The following FBXL17 variants were observed in gnomAD, a reference collection of about 807,000 sequenced individuals.
FBXL17 encodes the protein F-box and leucine rich repeat protein 17, also known as F-box/LRR-repeat protein 17.
FBXL17 carries 22 observed loss-of-function variants against 66.2 expected under a neutral mutation model. That is an observed-to-expected ratio of 0.33 (90% CI 0.24 to 0.47). The LOEUF is 0.47. Among genes scored for constraint, FBXL17 ranks in the 20% least tolerant of loss-of-function variants. FBXL17 has a pLI of 1.00. For missense variants in FBXL17, 878 were observed against 948.2 expected (o/e 0.93, Z 0.97); for synonymous variants, 474 against 400.5 (o/e 1.18, Z -2.19).
chr5:108,298,521 C>T (rs1758442581), intron 4 of FBXL17: 1 of 975,852 alleles, frequency 1.0e-6, no homozygotes, highest in South Asian at 4.7e-5. Flanking sequence ...ATTCCACTAA[C>T]TTGCCTAATG....
chr5:108,005,247 CTA>C (rs1275359951), intron 7 of FBXL17, among the ~76,000 whole-genome samples: 2 of 152,044 alleles, frequency 1.3e-5, no homozygotes, highest in South Asian at 4.2e-4. Flanking sequence ...ATTCCTGTGG[CTA>C]TGTCTGGACG....
chr5:108,099,819 T>C (rs574031220), intron 6 of FBXL17, among the ~76,000 whole-genome samples: 39 of 152,366 alleles, frequency 2.6e-4, no homozygotes, highest in African/African-American at 5.5e-4. Flanking sequence ...GGCATATTCT[T>C]AACTCCTGCT....
chr5:107,974,025 T>C (rs1752488862), intron 7 of FBXL17, among the ~76,000 whole-genome samples: 1 of 152,298 alleles, frequency 6.6e-6, no homozygotes, highest in South Asian at 2.1e-4. Flanking sequence ...AAAAAAATTA[T>C]ACCATTTTGG....
At chr5:108,229,246 C>A (rs1007387316) in intron 4 of FBXL17, among the ~76,000 whole-genome samples, 1 of 151,992 alleles carries the variant, frequency 6.6e-6, no homozygotes, top group Admixed American at 6.6e-5. Context: ...GCACGCATAG[C>A]CAAAGCAAGA....
At chr5:108,284,517 A>C (rs894547359) in intron 4 of FBXL17, among the ~76,000 whole-genome samples, 5 of 151,866 alleles carry the variant, frequency 3.3e-5, no homozygotes, top group African/African-American at 1.2e-4. Flanking sequence ...ATGGATGTAG[A>C]GTGTGGAACA....
chr5:107,962,111 T>C (rs1362034350), intron 7 of FBXL17, among the ~76,000 whole-genome samples: 1 of 152,140 alleles, frequency 6.6e-6, no homozygotes, highest in Non-Finnish European at 1.5e-5. Flanking sequence ...AAAATATCTA[T>C]ACAATTTCTC....
chr5:108,030,934 G>A (rs777220488), intron 6 of FBXL17, among the ~76,000 whole-genome samples: 1 of 152,024 alleles, frequency 6.6e-6, no homozygotes, highest in Non-Finnish European at 1.5e-5. Context: ...TAAAGTTAGA[G>A]CATAAATTCA....
intron 1 of FBXL17, among the ~76,000 whole-genome samples, chr5:108,379,937 A>C (rs184434793): frequency 1.4e-4 from 21 of 152,346 alleles, no homozygotes; most frequent in African/African-American, 4.6e-4. Flanking sequence ...AAAATGTAGA[A>C]GGGCATTACA....
intron 3 of FBXL17, among the ~76,000 whole-genome samples, chr5:108,360,337 T>C (rs557031282): frequency 2.0e-5 from 3 of 152,264 alleles, no homozygotes; most frequent in Admixed American, 6.5e-5. Flanking sequence ...TGAGTGCCCC[T>C]ATTCTTTAAC....
At chr5:108,252,803 C>T (rs979906574) in intron 4 of FBXL17, among the ~76,000 whole-genome samples, 2 of 152,162 alleles carry the variant, frequency 1.3e-5, no homozygotes, top group African/African-American at 4.8e-5. Context: ...CATTATTTCA[C>T]CCCAAAGCTG....
chr5:108,055,081 T>A (rs1747634147), intron 6 of FBXL17, among the ~76,000 whole-genome samples: 1 of 152,206 alleles, frequency 6.6e-6, no homozygotes, highest in Non-Finnish European at 1.5e-5. Context: ...CAAGGGTTTT[T>A]AAAAATTTTT....
chr5:108,222,062 T>C (rs1178276525), intron 5 of FBXL17, among the ~76,000 whole-genome samples: 1 of 152,170 alleles, frequency 6.6e-6, no homozygotes, highest in Non-Finnish European at 1.5e-5. Context: ...AAACCAGCAA[T>C]CCTTGCCTAA....
intron 7 of FBXL17, among the ~76,000 whole-genome samples, chr5:107,923,633 T>C (rs996091090): frequency 6.6e-6 from 1 of 152,170 alleles, no homozygotes; most frequent in Non-Finnish European, 1.5e-5. Flanking sequence ...AAAGCTTATA[T>C]TATTGCTGTA....
chr5:108,075,354 C>T (rs920956466), intron 6 of FBXL17, among the ~76,000 whole-genome samples: 1 of 152,220 alleles, frequency 6.6e-6, no homozygotes, highest in Admixed American at 6.5e-5. Flanking sequence ...CTTTCCATCA[C>T]TCTCTGTGCT....
intron 7 of FBXL17, among the ~76,000 whole-genome samples, chr5:107,946,357 T>C (rs1751295690): frequency 7.5e-6 from 1 of 133,256 alleles, no homozygotes; most frequent in African/African-American, 2.8e-5. Flanking sequence ...TGCAGTGACA[T>C]GATCATGGCT....
Position 108,296,127 on chromosome 5 carries a change from G to T in FBXL17, c.1506+52272C>A, listed in dbSNP as rs1286505270. 4.6e-5 allele frequency among the ~76,000 whole-genome samples: 7 copies of T among 151,898 alleles called. No individual in the cohort carries two copies. In the East Asian group the frequency reaches 1.4e-3, roughly 29 times the overall value. On this transcript the variant is annotated intron_variant, in intron 4 of 8. Coordinates refer to ENST00000542267, the MANE Select transcript of FBXL17 (RefSeq NM_001163315.3). ...AAGAGAGTTGTGAGGAGAAAAGAAA[G>T]AATAAAGTTATTTCCAAAGCTTAGA...
intron 7 of FBXL17, among the ~76,000 whole-genome samples, chr5:107,973,536 C>G (rs1752462939): frequency 1.3e-5 from 2 of 151,988 alleles, no homozygotes; most frequent in South Asian, 4.2e-4. Context: ...AAATCTTCCT[C>G]CCTCTGCTGA....
At chr5:108,292,079 A>G (rs943101714) in intron 4 of FBXL17, among the ~76,000 whole-genome samples, 16 of 152,040 alleles carry the variant, frequency 1.1e-4, no homozygotes, top group Admixed American at 4.6e-4. Context: ...TGCCTCCCCA[A>G]TGCTTAAAGG....
chr5:108,187,166 C>T (rs1477556349), intron 5 of FBXL17, among the ~76,000 whole-genome samples: 3 of 152,036 alleles, frequency 2.0e-5, no homozygotes, highest in East Asian at 1.9e-4. Flanking sequence ...TCTTGTCTTC[C>T]GCTGATGTTT....
Sources: allele counts gnomAD v4.1 joint callset (sites outside exome capture counted in the v4.1 genomes callset), GRCh38; gene constraint gnomAD v4.1.1; transcripts MANE v1.5; gene names NCBI Gene and HGNC (gene_info 2026-07-23, HGNC 2026-07-21).